The following ITPRID1 variants were observed in gnomAD, a reference collection of about 807,000 sequenced individuals.
ITPRID1 encodes ITPR interacting domain containing 1.
ITPRID1 carries 96 observed loss-of-function variants against 95.4 expected under a neutral mutation model. That is an observed-to-expected ratio of 1.01 (90% CI 0.85 to 1.19). The LOEUF is 1.19. Ranked by LOEUF, ITPRID1 falls within the 50% of genes most tolerant of loss-of-function variation. The probability of loss-of-function intolerance (pLI) is 0.00; values close to 1 mark genes in which losing one functional copy is unlikely to be tolerated. For missense variants in ITPRID1, 1,339 were observed against 1,252.9 expected (o/e 1.07, Z -1.04); for synonymous variants, 510 against 453.6 (o/e 1.12, Z -1.58).
chr7:31,519,620 C>CTCTCTCTCTATATATATATATA, intron 1 of ITPRID1, among the ~76,000 whole-genome samples: 24 of 25,262 alleles, frequency 9.5e-4, no homozygotes, highest in Non-Finnish European at 1.0e-3. Flanking sequence ...CTCTCTCTCT[C>CTCTCTCTCTATATATATATATA]TATATATATA....
chr7:31,609,542 T>G (rs1176073232), intron 10 of ITPRID1, among the ~76,000 whole-genome samples: 2 of 151,586 alleles, frequency 1.3e-5, no homozygotes, highest in Non-Finnish European at 3.0e-5. Context: ...ACCTTATACC[T>G]TTCTAGAAAT....
chr7:31,593,983 A>G (rs899921372), intron 10 of ITPRID1, among the ~76,000 whole-genome samples: 1 of 152,242 alleles, frequency 6.6e-6, no homozygotes, highest in Non-Finnish European at 1.5e-5. Context: ...ACTCCTTTGT[A>G]TTAAAAAGAG....
In ITPRID1 at chr7:31,627,060, T is replaced by G. The variant is rs889766229; in HGVS notation, c.1229-15116T>G. Among the ~76,000 whole-genome samples, 3 of 152,236 alleles carry G rather than the reference T, an allele frequency of 2.0e-5. No homozygotes were observed. The South Asian group carries it at 6.2e-4, about 31-fold the overall frequency. ...TGTTCTGGAGTATTTCTTATTACTATGAAATACAATTCAAAAGTACTCCTA... is the reference window on the plus strand; with the variant it reads ...TGTTCTGGAGTATTTCTTATTACTAGGAAATACAATTCAAAAGTACTCCTA... On this transcript the variant is annotated intron_variant, in intron 10 of 14. Transcript: ENST00000615280.
Position 31,643,704 on chromosome 7 carries a change from C to T in ITPRID1, c.2334C>T (p.Pro778=). The part of the protein sequence containing the change: ...SNKTLTHGPQ[P]LTKSVSLDSG... Reference sequence around the variant, plus strand: ...AGACCTTGACACATGGGCCCCAGCCCCTCACCAAATCCGTCTCTCTAGACT... The same window carrying T: ...AGACCTTGACACATGGGCCCCAGCCTCTCACCAAATCCGTCTCTCTAGACT... Residue 778 remains proline (P), a synonymous_variant, in exon 12 of 15, where the codon CCC becomes CCT. Coordinates refer to ENST00000615280, the MANE Select transcript of ITPRID1 (RefSeq NM_001257967.3). 1 of 1,614,048 alleles carries T rather than the reference C, an allele frequency of 6.2e-7. No homozygotes were observed. The highest frequency in any genetic ancestry group is 8.5e-7 in the Non-Finnish European group (1 of 1,179,898).
chr7:31,656,586 A>G (rs1344473943), downstream of ITPRID1: 1 of 597,800 alleles, frequency 1.7e-6, no homozygotes, highest in East Asian at 1.4e-4. Flanking sequence ...TGATGAATGA[A>G]TGAGATGAGG....
intron 10 of ITPRID1, 79 bp from the exon 11 acceptor site, chr7:31,642,097 G>T: frequency 1.1e-6 from 1 of 892,906 alleles, no homozygotes; most frequent in Non-Finnish European, 1.7e-6. Flanking sequence ...GGTGTGTCAG[G>T]CACCTAGAGG....
chr7:31,559,746 C>T (rs969378302), intron 5 of ITPRID1, among the ~76,000 whole-genome samples: 7 of 152,160 alleles, frequency 4.6e-5, no homozygotes, highest in Admixed American at 1.3e-4. Context: ...TATTTTATGT[C>T]ACATAAAACC....
At chr7:31,572,222 A>G in intron 7 of ITPRID1, 34 bp downstream of exon 7, 1 of 1,347,388 alleles carries the variant, frequency 7.4e-7, no homozygotes, top group Non-Finnish European at 1.1e-6. Flanking sequence ...CATCCTGAGA[A>G]ATCATTCTGT....
chr7:31,584,225 A>G (rs1785506350), intron 10 of ITPRID1, among the ~76,000 whole-genome samples: 2 of 152,222 alleles, frequency 1.3e-5, no homozygotes, highest in East Asian at 3.8e-4. Context: ...TTTTTAATTT[A>G]ATTTAGTGCT....
chr7:31,548,550 G>C (rs1035962362), intron 1 of ITPRID1, among the ~76,000 whole-genome samples: 14 of 152,236 alleles, frequency 9.2e-5, no homozygotes, highest in Admixed American at 7.9e-4. Flanking sequence ...GAATGAAGGG[G>C]TATTGGTAGG....
intron 10 of ITPRID1, among the ~76,000 whole-genome samples, chr7:31,598,560 C>G (rs1003533099): frequency 1.3e-5 from 2 of 151,740 alleles, no homozygotes; most frequent in African/African-American, 4.8e-5. Context: ...CCCGCTACCA[C>G]GCCCGGCTAC....
intron 5 of ITPRID1, among the ~76,000 whole-genome samples, chr7:31,559,845 C>T (rs1470442055): frequency 6.6e-6 from 1 of 152,178 alleles, no homozygotes; most frequent in African/African-American, 2.4e-5. Flanking sequence ...GACTGAAGAA[C>T]AAACATGACA....
chr7:31,566,133 C>T (rs540217081), intron 5 of ITPRID1, among the ~76,000 whole-genome samples: 1 of 152,306 alleles, frequency 6.6e-6, no homozygotes, highest in African/African-American at 2.4e-5. Flanking sequence ...ACTAGAATCC[C>T]TTCAAGAAGC....
rs879793308 is a variant in ITPRID1, at chr7:31,624,308, C to A, written c.1229-17868C>A. Among the ~76,000 whole-genome samples the A allele has an allele frequency of 2.8e-3, 402 of 142,520 alleles. 1 individual carries two copies. The highest frequency in any genetic ancestry group is 4.3e-3 in the Non-Finnish European group (283 of 65,502). 93.5% of individuals were successfully genotyped at this position (142,520 alleles called of 152,430 possible). On this transcript the variant is annotated intron_variant, in intron 10 of 14. Coordinates refer to ENST00000615280, the MANE Select transcript of ITPRID1 (RefSeq NM_001257967.3). ...TATGGAACCAAAAAAGAGCCCGCAT[C>A]ACCAAGGCAATCCTAAGCCAAAAGA...
At chr7:31,552,634 A>G (rs1248933568) in intron 2 of ITPRID1, among the ~76,000 whole-genome samples, 3 of 152,304 alleles carry the variant, frequency 2.0e-5, no homozygotes, top group Admixed American at 6.5e-5. Context: ...GGCCTCAAAA[A>G]TAATTTTATA....
intron 10 of ITPRID1, among the ~76,000 whole-genome samples, chr7:31,633,414 C>T (rs575889032): frequency 6.6e-6 from 1 of 152,320 alleles, no homozygotes; most frequent in African/African-American, 2.4e-5. Context: ...TAAGCACTAG[C>T]TAAATGACCA....
At chr7:31,635,619 C>A (rs1246038474) in intron 10 of ITPRID1, among the ~76,000 whole-genome samples, 2 of 152,018 alleles carry the variant, frequency 1.3e-5, no homozygotes, top group Admixed American at 6.6e-5. Flanking sequence ...TTTTAGGGAC[C>A]CTTTGTAGTT....
At chr7:31,599,842 C>G (rs1239058247) in intron 10 of ITPRID1, among the ~76,000 whole-genome samples, 1 of 151,630 alleles carries the variant, frequency 6.6e-6, no homozygotes, top group Non-Finnish European at 1.5e-5. Context: ...ACTACAGGCG[C>G]CTGCCACCAC....
rs1224907021 is a variant in ITPRID1 at position 31,554,389 on chromosome 7, T to C, written c.164-86T>C. The C allele has an allele frequency of 9.8e-6, 15 of 1,526,622 alleles. No individual in the cohort carries two copies. The East Asian group carries it at 3.6e-4, about 36-fold the overall frequency. The allele number at this position is 1,526,622 out of a possible 1,614,324, so 94.6% of individuals were successfully genotyped here. ...ATGTGACTAAATATGTGGGAAATAG[T>C]GACTGAGTGGCGGCTGAGTAAACAG... is the stretch of plus-strand genomic sequence containing the variant. On this transcript the variant is annotated intron_variant, in intron 3 of 14. Coordinates refer to ENST00000615280, the MANE Select transcript of ITPRID1 (RefSeq NM_001257967.3).
Sources: allele counts gnomAD v4.1 joint callset (sites outside exome capture counted in the v4.1 genomes callset), GRCh38; gene constraint gnomAD v4.1.1; transcripts MANE v1.5; gene names NCBI Gene and HGNC (gene_info 2026-07-23, HGNC 2026-07-21).